THSD7B: variants seen among roughly 807,000 people sequenced by gnomAD.
The protein encoded by THSD7B is thrombospondin type 1 domain containing 7B.
A neutral mutation model predicts 213.6 loss-of-function variants in THSD7B; 138 were observed. That is an observed-to-expected ratio of 0.65 (90% CI 0.56 to 0.74). The LOEUF is 0.74. Ranked by LOEUF, THSD7B falls within the 30% of genes least tolerant of loss-of-function variation. THSD7B has a pLI of 0.00. For synonymous variants in THSD7B, 742 were observed against 687.0 expected (o/e 1.08, Z -1.25); for missense variants, 1,931 against 1,991.5 (o/e 0.97, Z 0.58).
In THSD7B at chr2:137,202,822, A is replaced by G. The variant is rs111535246; in HGVS notation, c.1724-28222A>G. On this transcript the variant is annotated intron_variant, in intron 7 of 27. Transcript: ENST00000409968. ...CTGGGATCTCAACTTCCAGATTTCTATTTGACTCAGCAGTTTTCCTATGTC... is the reference window on the plus strand; with the variant it reads ...CTGGGATCTCAACTTCCAGATTTCTGTTTGACTCAGCAGTTTTCCTATGTC... 9.5e-4 allele frequency among the ~76,000 whole-genome samples: 144 copies of G among 152,246 alleles called. 1 individual carries two copies. Among genetic ancestry groups the G allele is most frequent in the African/African-American group, 3.1e-3 (127 of 41,574 alleles).
chr2:137,431,998 G>A (rs1687195558), intron 14 of THSD7B, among the ~76,000 whole-genome samples: 2 of 152,112 alleles, frequency 1.3e-5, no homozygotes, highest in Admixed American at 6.5e-5. Flanking sequence ...AAATTCAGCT[G>A]AACTACTCTC....
At chr2:136,870,949 T>G (rs1683422033) in intron 1 of THSD7B, among the ~76,000 whole-genome samples, 1 of 152,162 alleles carries the variant, frequency 6.6e-6, no homozygotes, top group Non-Finnish European at 1.5e-5. Context: ...CAGGAGGCTG[T>G]TAGCAGCTCT....
Position 137,571,974 on chromosome 2 carries a change from G to T in THSD7B, c.3273-432G>T, listed in dbSNP as rs146267050. On this transcript the variant is annotated intron_variant, in intron 16 of 27. Coordinates refer to ENST00000409968, the MANE Select transcript of THSD7B (RefSeq NM_001316349.2). ...TGGTATCAGATAGAAGTTTGGGAAAGGTTTAAGAAAGCCACAGGAAGTAGG... is the reference window on the plus strand; with the variant it reads ...TGGTATCAGATAGAAGTTTGGGAAATGTTTAAGAAAGCCACAGGAAGTAGG... Among the ~76,000 whole-genome samples the T allele has an allele frequency of 5.3e-5, 8 of 151,380 alleles. No homozygotes were observed. The East Asian group carries it at 1.4e-3, about 26-fold the overall frequency.
chr2:137,075,434 C>T (rs1687599228), intron 3 of THSD7B, among the ~76,000 whole-genome samples: 1 of 152,194 alleles, frequency 6.6e-6, no homozygotes, highest in Admixed American at 6.5e-5. Flanking sequence ...TTTTCAGCTC[C>T]ATCAGGTCCT....
intron 15 of THSD7B, among the ~76,000 whole-genome samples, chr2:137,528,908 G>T (rs1680329451): frequency 6.6e-6 from 1 of 152,052 alleles, no homozygotes; most frequent in Admixed American, 6.6e-5. Flanking sequence ...GTGCTTCGCA[G>T]ACTCATCTTT....
intron 20 of THSD7B, among the ~76,000 whole-genome samples, chr2:137,627,913 G>C (rs1682662326): frequency 1.3e-5 from 2 of 152,182 alleles, no homozygotes; most frequent in Non-Finnish European, 1.5e-5. Flanking sequence ...AGTCAGGCAT[G>C]GTTTCCACTG....
At chr2:137,234,821 G>A (rs1389014524) in intron 9 of THSD7B, among the ~76,000 whole-genome samples, 1 of 150,210 alleles carries the variant, frequency 6.7e-6, no homozygotes, top group African/African-American at 2.5e-5. Flanking sequence ...AATCTCCCAT[G>A]ATAAATTTTG....
Position 137,170,788 on chromosome 2 carries a change from G to A in THSD7B, c.1573G>A (p.Ala525Thr), listed in dbSNP as rs1293356287. Residue 525 changes from alanine to threonine, a missense_variant, in exon 7 of 28, where the codon GCA becomes ACA. Ala to Thr is a moderately conservative substitution (Grantham distance 58, BLOSUM62 0). Coordinates refer to ENST00000409968, the MANE Select transcript of THSD7B (RefSeq NM_001316349.2). ...RHVLMESTGPAGHCPHLVESV... is the reference protein window; with the variant it reads ...RHVLMESTGPTGHCPHLVESV... ...TGTCCTCATGGAATCTACAGGGCCT[G>A]CAGGGCATTGCCCTCATTTGGTGGA... 4.3e-6 allele frequency: 7 copies of A among 1,613,582 alleles called. No homozygotes were observed. Among genetic ancestry groups the A allele is most frequent in the Non-Finnish European group, 4.2e-6 (5 of 1,179,734 alleles).
At chr2:137,474,729 CATTT>C (rs576129704) in intron 15 of THSD7B, among the ~76,000 whole-genome samples, 185 of 152,282 alleles carry the variant, frequency 1.2e-3, no homozygotes, top group African/African-American at 4.2e-3. Flanking sequence ...AATTCTTAGT[CATTT>C]ATTTGTTTGA....
intron 6 of THSD7B, among the ~76,000 whole-genome samples, chr2:137,164,194 A>G (rs755088128): frequency 2.4e-4 from 36 of 152,136 alleles, no homozygotes; most frequent in South Asian, 1.7e-3. Flanking sequence ...AGAGTAGCTT[A>G]AGAGCACTAG....
intron 20 of THSD7B, among the ~76,000 whole-genome samples, chr2:137,637,205 C>T (rs193052763): frequency 1.7e-3 from 266 of 152,324 alleles, no homozygotes; most frequent in Non-Finnish European, 2.6e-3. Context: ...TGAGATCTGG[C>T]ATCCCAAGTA....
At chr2:136,788,401 T>G (rs1681907841) in intron 1 of THSD7B, among the ~76,000 whole-genome samples, 1 of 152,200 alleles carries the variant, frequency 6.6e-6, no homozygotes, top group African/African-American at 2.4e-5. Flanking sequence ...ATATGCTGTA[T>G]GAAGTAGTTA....
intron 15 of THSD7B, among the ~76,000 whole-genome samples, chr2:137,464,962 A>T (rs1687963535): frequency 6.6e-6 from 1 of 152,034 alleles, no homozygotes; most frequent in South Asian, 2.1e-4. Context: ...CCTGAGACTG[A>T]TTCCTTATCC....
At chr2:136,896,315 A>G (rs1683958785) in intron 2 of THSD7B, among the ~76,000 whole-genome samples, 1 of 152,224 alleles carries the variant, frequency 6.6e-6, no homozygotes, top group Admixed American at 6.5e-5. Flanking sequence ...TTTGCATTTC[A>G]CTATATCTTT....
chr2:137,241,459 T>C (rs1681900575), intron 9 of THSD7B, among the ~76,000 whole-genome samples: 1 of 152,240 alleles, frequency 6.6e-6, no homozygotes, highest in African/African-American at 2.4e-5. Context: ...CCATTAACTA[T>C]TTATATTACT....
chr2:137,269,608 G>A (rs777233365), intron 10 of THSD7B, among the ~76,000 whole-genome samples: 9 of 152,124 alleles, frequency 5.9e-5, no homozygotes, highest in Non-Finnish European at 7.3e-5. Flanking sequence ...ACATTCTGAG[G>A]CTAAATAGTA....
rs1452647222 is a variant in THSD7B at position 137,490,421 on chromosome 2, CT to C, written c.3138+39401del. Reference sequence around the variant, plus strand: ...ATATTTTCATAGGGTGCAGCTGGAGCTTTAAAAGTTACTTTTTTCTTTTTTT... The same window carrying C: ...ATATTTTCATAGGGTGCAGCTGGAGCTTAAAAGTTACTTTTTTCTTTTTTT... On this transcript the variant is annotated intron_variant, in intron 15 of 27. Transcript: ENST00000409968. 4.6e-5 allele frequency among the ~76,000 whole-genome samples: 7 copies of C among 152,218 alleles called. No homozygotes were observed. The East Asian group carries it at 1.4e-3, about 29-fold the overall frequency.
intron 12 of THSD7B, among the ~76,000 whole-genome samples, chr2:137,305,945 A>G (rs1019247543): frequency 6.6e-6 from 1 of 152,182 alleles, no homozygotes; most frequent in Non-Finnish European, 1.5e-5. Flanking sequence ...TGATAACACA[A>G]TGGTAAGTAT....
At chr2:137,031,663 A>G (rs943119171) in intron 2 of THSD7B, among the ~76,000 whole-genome samples, 2 of 146,260 alleles carry the variant, frequency 1.4e-5, no homozygotes, top group Admixed American at 1.4e-4. Flanking sequence ...ATATTCAAAA[A>G]GAAGCATAAC....
Sources: allele counts gnomAD v4.1 joint callset (sites outside exome capture counted in the v4.1 genomes callset), GRCh38; gene constraint gnomAD v4.1.1; transcripts MANE v1.5; gene names NCBI Gene and HGNC (gene_info 2026-07-23, HGNC 2026-07-21).